TWSG1: variants seen among roughly 807,000 people sequenced by gnomAD.
TWSG1 encodes the protein twisted gastrulation protein homolog 1.
A neutral mutation model predicts 23.0 loss-of-function variants in TWSG1; 15 were observed. That is an observed-to-expected ratio of 0.65 (90% CI 0.44 to 1.00). The LOEUF is 1.00. Ranked by LOEUF, TWSG1 falls within the 50% of genes least tolerant of loss-of-function variation. TWSG1 has a pLI of 0.00. For synonymous variants in TWSG1, 86 were observed against 92.8 expected (o/e 0.93, Z 0.42); for missense variants, 242 against 278.7 (o/e 0.87, Z 0.94).
At chr18:9,351,622 G>GTTTTTTTTTTTTTTT (rs71168051) in intron 2 of TWSG1, among the ~76,000 whole-genome samples, 6 of 116,594 alleles carry the variant, frequency 5.1e-5, no homozygotes, top group Non-Finnish European at 3.6e-5. Flanking sequence ...ACCATGCTGG[G>GTTTTTTTTTTTTTTT]TTTTTTTTTT....
At chr18:9,344,425 G>T (rs2040464575) in intron 2 of TWSG1, among the ~76,000 whole-genome samples, 1 of 150,862 alleles carries the variant, frequency 6.6e-6, no homozygotes, top group Non-Finnish European at 1.5e-5. Context: ...TTTGTGGAGT[G>T]GTTATGATTT....
At chr18:9,366,198 T>G (rs562726565) in intron 3 of TWSG1, among the ~76,000 whole-genome samples, 1 of 152,290 alleles carries the variant, frequency 6.6e-6, no homozygotes, top group South Asian at 2.1e-4. Context: ...CTTAATAAAT[T>G]GGAAGCATCA....
chr18:9,394,806 A>G (rs559907401), intron 3 of TWSG1, among the ~76,000 whole-genome samples: 2 of 152,262 alleles, frequency 1.3e-5, no homozygotes, highest in South Asian at 2.1e-4. Context: ...ATGATCATTC[A>G]TGTTTTTTTG....
chr18:9,385,905 A>G (rs143585237), intron 3 of TWSG1, among the ~76,000 whole-genome samples: 11,454 of 152,224 alleles, frequency 0.075, 526 homozygotes, highest in Admixed American at 0.097. Flanking sequence ...ATGGTGGCTC[A>G]CACCTGTAAT....
chr18:9,350,653 T>C (rs771923008), intron 2 of TWSG1, among the ~76,000 whole-genome samples: 29 of 152,376 alleles, frequency 1.9e-4, no homozygotes, highest in Admixed American at 1.5e-3. Context: ...TTCATATATA[T>C]ACATGAACTT....
chr18:9,394,816 G>T (rs920973872), intron 3 of TWSG1, among the ~76,000 whole-genome samples: 1 of 151,736 alleles, frequency 6.6e-6, no homozygotes, highest in Non-Finnish European at 1.5e-5. Flanking sequence ...ATGTTTTTTT[G>T]AATCTTTGCA....
intron 3 of TWSG1, among the ~76,000 whole-genome samples, chr18:9,379,980 A>G (rs1269131035): frequency 6.6e-6 from 1 of 152,216 alleles, no homozygotes; most frequent in Non-Finnish European, 1.5e-5. Context: ...TCTTTGATTA[A>G]AGATATCTTG....
intron 2 of TWSG1, among the ~76,000 whole-genome samples, chr18:9,340,986 A>G (rs2040444298): frequency 6.6e-6 from 1 of 152,206 alleles, no homozygotes; most frequent in African/African-American, 2.4e-5. Flanking sequence ...CTTCAGGTAT[A>G]CGTCTCTTCC....
chr18:9,364,540 C>G (rs1323729220), intron 3 of TWSG1, among the ~76,000 whole-genome samples: 1 of 152,134 alleles, frequency 6.6e-6, no homozygotes, highest in Non-Finnish European at 1.5e-5. Context: ...CGCGTATAAT[C>G]CCAGCACTTT....
At chr18:9,389,723 T>C (rs2040702617) in intron 3 of TWSG1, among the ~76,000 whole-genome samples, 1 of 152,238 alleles carries the variant, frequency 6.6e-6, no homozygotes, top group Non-Finnish European at 1.5e-5. Flanking sequence ...AAATTTGGTT[T>C]AACTTTTTAA....
chr18:9,394,036 C>A (rs186403966), intron 3 of TWSG1, among the ~76,000 whole-genome samples: 173 of 152,318 alleles, frequency 1.1e-3, no homozygotes, highest in South Asian at 5.4e-3. Flanking sequence ...CCATATCCAG[C>A]AATCCCATTA....
chr18:9,377,376 G>A (rs933315056), intron 3 of TWSG1, among the ~76,000 whole-genome samples: 1 of 151,890 alleles, frequency 6.6e-6, no homozygotes, highest in Admixed American at 6.6e-5. Context: ...GAGCCACCAC[G>A]CCCAGCTAAT....
At chr18:9,381,646 C>T (rs948485688) in intron 3 of TWSG1, among the ~76,000 whole-genome samples, 3 of 152,138 alleles carry the variant, frequency 2.0e-5, no homozygotes, top group African/African-American at 7.2e-5. Flanking sequence ...AAAATTACTA[C>T]TTGAACATAT....
chr18:9,383,112 G>T (rs1417040252), intron 3 of TWSG1, among the ~76,000 whole-genome samples: 1 of 151,860 alleles, frequency 6.6e-6, no homozygotes, highest in Non-Finnish European at 1.5e-5. Context: ...CCATGGAAAG[G>T]AGTTTGGATT....
intron 2 of TWSG1, among the ~76,000 whole-genome samples, chr18:9,350,287 G>A (rs1412571633): frequency 2.6e-5 from 4 of 151,946 alleles, no homozygotes; most frequent in Admixed American, 6.6e-5. Context: ...CCCTCCAAAT[G>A]TTTAATGCAG....
intron 4 of TWSG1, among the ~76,000 whole-genome samples, chr18:9,397,438 G>T (rs987822920): frequency 3.3e-5 from 5 of 152,192 alleles, no homozygotes; most frequent in African/African-American, 1.2e-4. Context: ...AATTAAGTGA[G>T]AAAATAACTT....
At chr18:9,390,168 T>TCTTC (rs1555652798) in intron 3 of TWSG1, among the ~76,000 whole-genome samples, 1 of 151,358 alleles carries the variant, frequency 6.6e-6, no homozygotes, top group African/African-American at 2.4e-5. Context: ...TTCTTCTTCT[T>TCTTC]CTTTTTTTTT....
intron 3 of TWSG1, among the ~76,000 whole-genome samples, chr18:9,389,991 A>G (rs985674308): frequency 4.6e-5 from 7 of 152,266 alleles, no homozygotes; most frequent in Admixed American, 4.6e-4. Context: ...CTTAAAAAAT[A>G]CGTACCTTAA....
chr18:9,347,704 A>C (rs959404807), intron 2 of TWSG1, among the ~76,000 whole-genome samples: 1 of 152,002 alleles, frequency 6.6e-6, no homozygotes, highest in African/African-American at 2.4e-5. Context: ...ATATTCTGGG[A>C]AATTTCCTGA....
Sources: allele counts gnomAD v4.1 joint callset (sites outside exome capture counted in the v4.1 genomes callset), GRCh38; gene constraint gnomAD v4.1.1; transcripts MANE v1.5; gene names NCBI Gene and HGNC (gene_info 2026-07-23, HGNC 2026-07-21).